The following STK38 variants were observed in gnomAD, a reference collection of about 807,000 sequenced individuals.
STK38 encodes the protein serine/threonine kinase 38, also known as serine/threonine-protein kinase 38.
A neutral mutation model predicts 59.0 loss-of-function variants in STK38; 26 were observed. That is an observed-to-expected ratio of 0.44 (90% CI 0.32 to 0.61). STK38 has a LOEUF of 0.61. Among genes scored for constraint, STK38 ranks in the 20% least tolerant of loss-of-function variants. The pLI is 0.04. For missense variants in STK38, 433 were observed against 566.0 expected (o/e 0.76, Z 2.38); for synonymous variants, 175 against 176.6 (o/e 0.99, Z 0.07).
rs556249861 is a variant in STK38 at position 36,518,581 on chromosome 6, G to A, written c.391-741C>T. Among the ~76,000 whole-genome samples the A allele has an allele frequency of 2.6e-5, 4 of 152,130 alleles. No homozygotes were observed. The South Asian group carries it at 8.3e-4, about 32-fold the overall frequency. On this transcript the variant is annotated intron_variant, in intron 5 of 13. Coordinates refer to ENST00000229812, the MANE Select transcript of STK38 (RefSeq NM_007271.4). Reference sequence around the variant, plus strand: ...ACACACACTTTTTTTAAAACAAGATGGGGTCTCGCTCTGTCACTCCGGCTA... The same window carrying A: ...ACACACACTTTTTTTAAAACAAGATAGGGTCTCGCTCTGTCACTCCGGCTA...
At chr6:36,528,671 T>C (rs1403773002) in intron 2 of STK38, among the ~76,000 whole-genome samples, 2 of 152,206 alleles carry the variant, frequency 1.3e-5, no homozygotes, top group Non-Finnish European at 2.9e-5. Context: ...GGTTAGGTAG[T>C]TGAAGCAGAG....
At chr6:36,508,358 G>A (rs1193030855) in intron 7 of STK38, among the ~76,000 whole-genome samples, 1 of 152,146 alleles carries the variant, frequency 6.6e-6, no homozygotes, top group Non-Finnish European at 1.5e-5. Context: ...ATATAACATG[G>A]ATTATCAGGT....
chr6:36,517,585 T>G (rs560359994), intron 6 of STK38, 132 bp downstream of exon 6: 2 of 1,189,532 alleles, frequency 1.7e-6, no homozygotes, highest in East Asian at 5.0e-5. Flanking sequence ...ACTTCCTTTA[T>G]AGACCTAAAA....
At chr6:36,527,053 G>A (rs980481787) in intron 2 of STK38, among the ~76,000 whole-genome samples, 3 of 151,398 alleles carry the variant, frequency 2.0e-5, no homozygotes, top group East Asian at 1.9e-4. Context: ...TCAGCTAGGC[G>A]TGGTGGCGAG....
intron 10 of STK38, among the ~76,000 whole-genome samples, chr6:36,499,097 T>C (rs674047): frequency 0.01 from 1,552 of 152,226 alleles, 32 homozygotes; most frequent in African/African-American, 0.036. Context: ...AGGACATAAA[T>C]AGAGTTGCAG....
At chr6:36,506,235 G>A (rs1776958942) in intron 9 of STK38, among the ~76,000 whole-genome samples, 2 of 152,082 alleles carry the variant, frequency 1.3e-5, no homozygotes, top group South Asian at 4.1e-4. Context: ...AAAACTCTAA[G>A]TAGGTATTTG....
At chr6:36,504,410 T>A (rs1776911150) in intron 9 of STK38, among the ~76,000 whole-genome samples, 1 of 152,238 alleles carries the variant, frequency 6.6e-6, no homozygotes, top group South Asian at 2.1e-4. Flanking sequence ...AGGCTTAACC[T>A]AGAGCAGTAA....
At chr6:36,505,209 C>T (rs1207624107) in intron 9 of STK38, among the ~76,000 whole-genome samples, 1 of 152,158 alleles carries the variant, frequency 6.6e-6, no homozygotes, top group Non-Finnish European at 1.5e-5. Context: ...TGTTGTGCAA[C>T]CAAGGTTAAA....
chr6:36,539,592 G>A (rs1380791295), intron 2 of STK38, among the ~76,000 whole-genome samples: 1 of 152,012 alleles, frequency 6.6e-6, no homozygotes, highest in Non-Finnish European at 1.5e-5. Flanking sequence ...CCTGATGAGG[G>A]AACCAATTCA....
intron 7 of STK38, among the ~76,000 whole-genome samples, chr6:36,508,077 T>C (rs11756413): frequency 9.2e-5 from 14 of 151,654 alleles, no homozygotes; most frequent in African/African-American, 3.4e-4. Flanking sequence ...GGGACCTCAG[T>C]TGTGTGCCAC....
At chr6:36,515,244 C>T (rs1033572814) in intron 7 of STK38, 94 bp downstream of exon 7, 1 of 1,425,560 alleles carries the variant, frequency 7.0e-7, no homozygotes, top group Non-Finnish European at 9.4e-7. Context: ...GGTCACAGCT[C>T]GCCCACTGGG....
intron 1 of STK38, among the ~76,000 whole-genome samples, chr6:36,541,409 T>C (rs1450634496): frequency 6.6e-6 from 1 of 152,054 alleles, no homozygotes; most frequent in Non-Finnish European, 1.5e-5. Context: ...AAAAAAAATA[T>C]ACAGTATGCA....
intron 2 of STK38, among the ~76,000 whole-genome samples, chr6:36,526,201 T>G (rs1777507469): frequency 6.9e-6 from 1 of 145,918 alleles, no homozygotes; most frequent in Non-Finnish European, 1.5e-5. Flanking sequence ...CAAAAAAATG[T>G]CCTCTCTTGG....
At chr6:36,498,972 C>G (rs1373664914) in intron 10 of STK38, among the ~76,000 whole-genome samples, 4 of 152,024 alleles carry the variant, frequency 2.6e-5, no homozygotes, top group African/African-American at 9.7e-5. Context: ...CCACTTATCC[C>G]AGAAAATACC....
chr6:36,504,316 G>A (rs943418812), intron 9 of STK38, among the ~76,000 whole-genome samples: 22 of 152,180 alleles, frequency 1.4e-4, no homozygotes, highest in South Asian at 6.2e-4. Context: ...TTAAGCAGCC[G>A]AGGAATGAAG....
chr6:36,517,442 A>G (rs645130), intron 6 of STK38, among the ~76,000 whole-genome samples: 143,777 of 152,194 alleles, frequency 0.94, 67,994 homozygotes, highest in African/African-American at 0.99. Flanking sequence ...GAGCACCCTA[A>G]TTTATTCCTA....
In STK38 at chr6:36,517,798, C is replaced by T. The variant is rs56005153; in HGVS notation, c.433G>A (p.Asp145Asn). The T allele has an allele frequency of 1.2e-6, 2 of 1,614,176 alleles. No homozygotes were observed. The highest frequency in any genetic ancestry group is 4.5e-5 in the East Asian group (2 of 44,874). ...RAERDILVEA[D>N]SLWVVKMFYS... ...AACATTTTCACAACCCACAAACTGT[C>T]TGCCTCCACTAGAATGTCACGCTCC... Residue 145 changes from aspartate (D) to asparagine (N), a missense_variant, in exon 6 of 14, where the codon GAC becomes AAC. Asp to Asn is a conservative substitution (Grantham distance 23, BLOSUM62 1). Transcript: ENST00000229812.
intron 1 of STK38, among the ~76,000 whole-genome samples, chr6:36,541,489 A>G (rs1471403760): frequency 6.6e-6 from 1 of 152,190 alleles, no homozygotes; most frequent in Admixed American, 6.5e-5. Flanking sequence ...ATTCATCACA[A>G]GGAGGTGCAA....
intron 9 of STK38, among the ~76,000 whole-genome samples, chr6:36,506,267 C>T (rs948297409): frequency 2.0e-5 from 3 of 152,078 alleles, no homozygotes; most frequent in Non-Finnish European, 4.4e-5. Context: ...GACAGATCTC[C>T]AGCTTAAATA....
Sources: gnomAD v4.1 joint callset for allele counts (sites outside exome capture counted in the v4.1 genomes callset) on GRCh38, gnomAD v4.1.1 for gene constraint, MANE v1.5 for transcripts, NCBI Gene and HGNC (gene_info 2026-07-23, HGNC 2026-07-21) for gene names.